The following ZNF804A variants were observed in gnomAD, a reference collection of about 807,000 sequenced individuals.
ZNF804A encodes the protein zinc finger protein 804A.
In ZNF804A, 2 loss-of-function variants were observed where a neutral mutation model predicts 16.5. The observed-to-expected ratio is 0.12, with a 90% CI of 0.05 to 0.38. The LOEUF (loss-of-function observed/expected upper bound fraction) is 0.38. Among genes scored for constraint, ZNF804A ranks in the 10% least tolerant of loss-of-function variants. The pLI, the probability that ZNF804A is intolerant of heterozygous loss-of-function variation, is 0.99. For synonymous variants in ZNF804A, 534 were observed against 489.6 expected (o/e 1.09, Z -1.20); for missense variants, 1,473 against 1,390.7 (o/e 1.06, Z -0.94).
chr2:184,934,249 A>G (rs756240171), intron 3 of ZNF804A, among the ~76,000 whole-genome samples: 5 of 152,144 alleles, frequency 3.3e-5, no homozygotes, highest in Non-Finnish European at 5.9e-5. Flanking sequence ...GAGGTTCACA[A>G]CTTTTAAACT....
chr2:184,872,553 C>A (rs1033461244), intron 2 of ZNF804A, among the ~76,000 whole-genome samples: 3 of 151,990 alleles, frequency 2.0e-5, no homozygotes, highest in African/African-American at 7.2e-5. Context: ...AAATGATAAA[C>A]CTAAAAATGC....
intron 1 of ZNF804A, among the ~76,000 whole-genome samples, chr2:184,722,050 G>A (rs1164144135): frequency 3.3e-5 from 5 of 152,004 alleles, no homozygotes; most frequent in Admixed American, 2.6e-4. Flanking sequence ...CATCGAGGTA[G>A]AGAGTGGAAT....
chr2:184,912,963 G>A (rs2105832849), intron 2 of ZNF804A, among the ~76,000 whole-genome samples: 1 of 152,004 alleles, frequency 6.6e-6, no homozygotes, highest in African/African-American at 2.4e-5. Flanking sequence ...TTTTTCTTTT[G>A]TTGCTCATGC....
At chr2:184,723,165 T>C (rs1337321761) in intron 1 of ZNF804A, among the ~76,000 whole-genome samples, 2 of 151,882 alleles carry the variant, frequency 1.3e-5, no homozygotes, top group African/African-American at 2.4e-5. Context: ...TTACAGTATA[T>C]TCCTTTTTCA....
intron 1 of ZNF804A, among the ~76,000 whole-genome samples, chr2:184,811,338 A>G (rs1035483067): frequency 2.6e-5 from 4 of 152,192 alleles, no homozygotes; most frequent in Non-Finnish European, 4.4e-5. Flanking sequence ...TGTTTCATAG[A>G]TAAAACCACC....
intron 1 of ZNF804A, among the ~76,000 whole-genome samples, chr2:184,852,857 A>AT (rs1695627864): frequency 1.3e-5 from 2 of 151,846 alleles, no homozygotes; most frequent in Non-Finnish European, 3.0e-5. Context: ...TTTGTGGCAT[A>AT]TTTTGAAATT....
At chr2:184,757,148 G>A (rs772350480) in intron 1 of ZNF804A, among the ~76,000 whole-genome samples, 3 of 151,954 alleles carry the variant, frequency 2.0e-5, no homozygotes, top group Non-Finnish European at 2.9e-5. Flanking sequence ...ATCTGATCAC[G>A]TGACCACATC....
intron 1 of ZNF804A, among the ~76,000 whole-genome samples, chr2:184,739,904 C>T (rs1368742171): frequency 6.6e-6 from 1 of 152,166 alleles, no homozygotes; most frequent in East Asian, 1.9e-4. Context: ...TGCAGACATT[C>T]TCCAACATTC....
intron 1 of ZNF804A, among the ~76,000 whole-genome samples, chr2:184,680,237 A>C (rs1250110748): frequency 6.6e-6 from 1 of 151,782 alleles, no homozygotes; most frequent in East Asian, 1.9e-4. Flanking sequence ...ACCTGCGGAG[A>C]AGAGCTACCC....
At chr2:184,852,754 C>T (rs887430109) in intron 1 of ZNF804A, among the ~76,000 whole-genome samples, 10 of 151,760 alleles carry the variant, frequency 6.6e-5, no homozygotes, top group African/African-American at 2.4e-4. Flanking sequence ...AATGCATTGA[C>T]TGTAAATGTG....
intron 1 of ZNF804A, among the ~76,000 whole-genome samples, chr2:184,785,224 T>A (rs993388474): frequency 6.6e-6 from 1 of 152,006 alleles, no homozygotes; most frequent in African/African-American, 2.4e-5. Flanking sequence ...ATCAGGAATA[T>A]AATTTATTGC....
intron 2 of ZNF804A, among the ~76,000 whole-genome samples, chr2:184,889,040 C>A (rs978050323): frequency 6.6e-6 from 1 of 151,942 alleles, no homozygotes; most frequent in African/African-American, 2.4e-5. Context: ...AGATAGACAT[C>A]ATTTTGCCCT....
chr2:184,883,564 G>T (rs917425710), intron 2 of ZNF804A, among the ~76,000 whole-genome samples: 2 of 151,346 alleles, frequency 1.3e-5, no homozygotes, highest in African/African-American at 4.8e-5. Context: ...AAAAATAAGA[G>T]CTCCAAACCC....
intron 1 of ZNF804A, among the ~76,000 whole-genome samples, chr2:184,752,904 A>G (rs769989002): frequency 2.0e-5 from 3 of 151,586 alleles, no homozygotes; most frequent in Non-Finnish European, 3.0e-5. Context: ...GCAAAACAAA[A>G]CCACAATGAG....
chr2:184,916,729 T>C (rs150839204), intron 2 of ZNF804A, among the ~76,000 whole-genome samples: 2,236 of 152,074 alleles, frequency 0.015, 25 homozygotes, highest in South Asian at 0.042. Context: ...GTGCCTATAG[T>C]CACAGCTACT....
chr2:184,770,407 A>G (rs549771480), intron 1 of ZNF804A, among the ~76,000 whole-genome samples: 57 of 152,232 alleles, frequency 3.7e-4, no homozygotes, highest in African/African-American at 1.3e-3. Flanking sequence ...GAATGTCATT[A>G]AACTAAGCTG....
chr2:184,930,737 T>A (rs1466254306), intron 2 of ZNF804A, among the ~76,000 whole-genome samples: 1 of 152,220 alleles, frequency 6.6e-6, no homozygotes, highest in Non-Finnish European at 1.5e-5. Context: ...CACAATAATT[T>A]AAAAATTTTT....
chr2:184,681,386 A>G (rs530637867), intron 1 of ZNF804A, among the ~76,000 whole-genome samples: 1 of 152,324 alleles, frequency 6.6e-6, no homozygotes, highest in African/African-American at 2.4e-5. Flanking sequence ...TAGGACTTTG[A>G]ATTAATTTCT....
At chr2:184,717,035 A>G (rs1253388026) in intron 1 of ZNF804A, among the ~76,000 whole-genome samples, 1 of 152,110 alleles carries the variant, frequency 6.6e-6, no homozygotes, top group African/African-American at 2.4e-5. Flanking sequence ...AATATAATAA[A>G]CACCAAGCAC....
Sources: gnomAD v4.1 joint callset for allele counts (sites outside exome capture counted in the v4.1 genomes callset) on GRCh38, gnomAD v4.1.1 for gene constraint, MANE v1.5 for transcripts, NCBI Gene and HGNC (gene_info 2026-07-23, HGNC 2026-07-21) for gene names.